The following PRKG1 variants were observed in gnomAD, a reference collection of about 807,000 sequenced individuals.
The protein encoded by PRKG1 is cGMP-dependent protein kinase 1.
Under a neutral mutation model 88.1 loss-of-function variants are expected in PRKG1, and 35 were observed. The ratio of observed to expected loss-of-function variants is 0.40; its 90% CI spans 0.30 to 0.53. PRKG1 has a LOEUF of 0.53. Ranked by LOEUF, PRKG1 falls within the 20% of genes least tolerant of loss-of-function variation. The pLI is 0.59. For missense variants in PRKG1, 540 were observed against 839.8 expected (o/e 0.64, Z 4.41); for synonymous variants, 303 against 292.5 (o/e 1.04, Z -0.37).
intron 8 of PRKG1, among the ~76,000 whole-genome samples, chr10:52,152,404 T>C (rs1166426824): frequency 6.6e-6 from 1 of 151,998 alleles, no homozygotes; most frequent in Non-Finnish European, 1.5e-5. Context: ...TTTTAGCTAG[T>C]GGTGAGTGAA....
chr10:51,621,005 GTGTGTATATATATATATA>G (rs1412312466), intron 3 of PRKG1, among the ~76,000 whole-genome samples: 1 of 123,132 alleles, frequency 8.1e-6, no homozygotes, highest in Non-Finnish European at 1.7e-5. Context: ...GTGTGTATAT[GTGTGTATATATATATATA>G]TATATATATG....
chr10:52,188,660 A>G (rs1314341800), intron 9 of PRKG1, among the ~76,000 whole-genome samples: 2 of 152,202 alleles, frequency 1.3e-5, no homozygotes, highest in African/African-American at 2.4e-5. Context: ...GATGATTTCT[A>G]TTGTGTGCAC....
At position 51,554,199 on chromosome 10, in the gene PRKG1, C is replaced by T. The variant is rs188481686; in HGVS notation, c.592+86363C>T. Among the ~76,000 whole-genome samples, 265 of 123,578 alleles carry T rather than the reference C, an allele frequency of 2.1e-3. 1 individual carries two copies. The highest frequency in any genetic ancestry group is 6.8e-3 in the African/African-American group (224 of 32,772). The allele number at this position is 123,578 out of a possible 152,430, so 81.1% of individuals were successfully genotyped here. ...GATATGTGTATATATTATATATGTG[C>T]GTATGTGATATATGTATATTATATA... On this transcript the variant is annotated intron_variant, in intron 3 of 17. Coordinates refer to ENST00000373980, the MANE Select transcript of PRKG1 (RefSeq NM_006258.4).
chr10:51,469,730 A>G (rs1839999927), intron 3 of PRKG1, among the ~76,000 whole-genome samples: 1 of 151,830 alleles, frequency 6.6e-6, no homozygotes, highest in Non-Finnish European at 1.5e-5. Flanking sequence ...TTCTTCTTTA[A>G]CACAGACTCA....
intron 2 of PRKG1, among the ~76,000 whole-genome samples, chr10:51,263,746 CT>C (rs1839773931): frequency 6.6e-6 from 1 of 152,126 alleles, no homozygotes; most frequent in South Asian, 2.1e-4. Context: ...AAATTTCCTG[CT>C]GATTTATGAA....
intron 4 of PRKG1, among the ~76,000 whole-genome samples, chr10:51,867,738 CT>C (rs929853502): frequency 2.3e-4 from 35 of 152,180 alleles, no homozygotes; most frequent in African/African-American, 7.7e-4. Flanking sequence ...GTACCCTCTT[CT>C]GATAATGTTA....
At chr10:52,270,341 A>G (rs1248426968) in intron 10 of PRKG1, among the ~76,000 whole-genome samples, 1 of 152,084 alleles carries the variant, frequency 6.6e-6, no homozygotes, top group Non-Finnish European at 1.5e-5. Context: ...AACTAGAAAT[A>G]CCATTTGACC....
intron 4 of PRKG1, among the ~76,000 whole-genome samples, chr10:51,905,092 T>A (rs1842056700): frequency 1.3e-5 from 2 of 152,164 alleles, no homozygotes; most frequent in Non-Finnish European, 2.9e-5. Context: ...GAAACTGAAA[T>A]ATAGCTCATT....
chr10:51,081,443 C>T (rs1294500067), intron 1 of PRKG1, among the ~76,000 whole-genome samples: 5 of 152,190 alleles, frequency 3.3e-5, no homozygotes, highest in South Asian at 2.1e-4. Flanking sequence ...TAGAGTATAT[C>T]GAAGGCTTGC....
intron 1 of PRKG1, among the ~76,000 whole-genome samples, chr10:51,052,089 G>A (rs1383024873): frequency 6.6e-6 from 1 of 152,036 alleles, no homozygotes; most frequent in African/African-American, 2.4e-5. Context: ...GAATTTTATA[G>A]TACAATAAAA....
At chr10:52,183,277 G>T (rs995670882) in intron 9 of PRKG1, among the ~76,000 whole-genome samples, 5 of 152,208 alleles carry the variant, frequency 3.3e-5, no homozygotes, top group African/African-American at 1.2e-4. Flanking sequence ...ATGAATATGG[G>T]CATGGGGCTT....
chr10:51,541,791 A>T (rs1015174891), intron 3 of PRKG1, among the ~76,000 whole-genome samples: 15 of 152,190 alleles, frequency 9.9e-5, no homozygotes, highest in Non-Finnish European at 1.5e-5. Flanking sequence ...TATTTTGCTC[A>T]GAAATATCAT....
At chr10:51,012,465 G>A (rs527721115) in intron 1 of PRKG1, among the ~76,000 whole-genome samples, 52 of 152,302 alleles carry the variant, frequency 3.4e-4, no homozygotes, top group African/African-American at 1.2e-3. Flanking sequence ...TAATTAAAGA[G>A]TTCCATACCA....
rs1223588085 is a variant in PRKG1 at position 51,181,224 on chromosome 10, A to ATTTTTTTTTTTTTT, written c.478+27909_478+27922dup. Among the ~76,000 whole-genome samples, 35 of 78,288 alleles carry ATTTTTTTTTTTTTT rather than the reference A, an allele frequency of 4.5e-4. 1 individual carries two copies. The highest frequency in any genetic ancestry group is 6.9e-4 in the Non-Finnish European group (29 of 42,140). 51.4% of individuals were successfully genotyped at this position (78,288 alleles called of 152,430 possible). A position where few individuals can be genotyped will look rare whatever the true frequency, so the allele number is the denominator to read the frequency against. On this transcript the variant is annotated intron_variant, in intron 2 of 17. Coordinates refer to ENST00000373980, the MANE Select transcript of PRKG1 (RefSeq NM_006258.4). Reference sequence around the variant, plus strand: ...AAGCTGACCAAGATTATTATATAGAATTTTTTTTTTTTTTTTTTTTTTTTT... The same window carrying ATTTTTTTTTTTTTT: ...AAGCTGACCAAGATTATTATATAGAATTTTTTTTTTTTTTTTTTTTTTTTTTTTTTTTTTTTTTT...
chr10:51,116,359 A>T (rs570646877), intron 1 of PRKG1, among the ~76,000 whole-genome samples: 41 of 152,320 alleles, frequency 2.7e-4, no homozygotes, highest in Non-Finnish European at 4.9e-4. Context: ...GAATGTAATT[A>T]TAATCCCTTC....
At chr10:52,279,336 C>T (rs532627572) in intron 12 of PRKG1, among the ~76,000 whole-genome samples, 2 of 152,186 alleles carry the variant, frequency 1.3e-5, no homozygotes, top group East Asian at 1.9e-4. Context: ...ACAATTGTTC[C>T]ATTCAGATAT....
chr10:52,128,084 T>A, intron 7 of PRKG1: 1 of 985,332 alleles, frequency 1.0e-6, no homozygotes. Flanking sequence ...GATTTTGAGA[T>A]GAAAAGAATT....
At chr10:51,721,212 TAAAA>T (rs55873432) in intron 3 of PRKG1, among the ~76,000 whole-genome samples, 64,708 of 122,074 alleles carry the variant, frequency 0.53, 15,375 homozygotes, top group Middle Eastern at 0.65. Flanking sequence ...CAAGACCTAT[TAAAA>T]AAAAAAAAAA....
chr10:51,852,174 T>TTA (rs1332101451), intron 4 of PRKG1, among the ~76,000 whole-genome samples: 4 of 148,706 alleles, frequency 2.7e-5, no homozygotes, highest in Non-Finnish European at 4.4e-5. Context: ...AACATATATG[T>TTA]TATATATATA....
Sources: allele counts gnomAD v4.1 joint callset (sites outside exome capture counted in the v4.1 genomes callset), GRCh38; gene constraint gnomAD v4.1.1; transcripts MANE v1.5; gene names NCBI Gene and HGNC (gene_info 2026-07-23, HGNC 2026-07-21).